Variants in TMEM178B observed in about 807,000 individuals in gnomAD.
TMEM178B encodes the protein transmembrane protein 178B.
TMEM178B carries 5 observed loss-of-function variants against 31.0 expected under a neutral mutation model. The observed-to-expected ratio is 0.16, with a 90% confidence interval of 0.08 to 0.34. The LOEUF is 0.34. Among genes scored for constraint, TMEM178B ranks in the 10% least tolerant of loss-of-function variants. The probability of loss-of-function intolerance (pLI) is 1.00; values close to 1 mark genes in which losing one functional copy is unlikely to be tolerated. For missense variants in TMEM178B, 275 were observed against 400.3 expected (o/e 0.69, Z 2.67); for synonymous variants, 164 against 164.0 (o/e 1.00, Z 0.00).
intron 1 of TMEM178B, among the ~76,000 whole-genome samples, chr7:141,204,185 G>A (rs1284001763): frequency 6.6e-6 from 1 of 152,366 alleles, no homozygotes; most frequent in East Asian, 1.9e-4. Context: ...GGAGCTGGAA[G>A]CGTGAGACTG....
chr7:141,152,060 G>T (rs149178359), intron 1 of TMEM178B, among the ~76,000 whole-genome samples: 94 of 152,304 alleles, frequency 6.2e-4, no homozygotes, highest in African/African-American at 2.3e-3. Context: ...CCAGTGAGTT[G>T]CCCTATGCTG....
At chr7:141,313,126 C>G (rs1238769855) in intron 2 of TMEM178B, among the ~76,000 whole-genome samples, 1 of 152,086 alleles carries the variant, frequency 6.6e-6, no homozygotes, top group South Asian at 2.1e-4. Flanking sequence ...TTTAAAAACT[C>G]TATTTGGAGG....
intron 2 of TMEM178B, among the ~76,000 whole-genome samples, chr7:141,429,363 G>T (rs1196834762): frequency 6.6e-6 from 1 of 150,614 alleles, no homozygotes; most frequent in Non-Finnish European, 1.5e-5. Context: ...ATATTATTCA[G>T]CCATAAAAAA....
At chr7:141,466,896 C>T (rs751109289) in intron 3 of TMEM178B, among the ~76,000 whole-genome samples, 9 of 152,252 alleles carry the variant, frequency 5.9e-5, no homozygotes, top group Middle Eastern at 3.4e-3. Flanking sequence ...AGGTGAGGCA[C>T]GAGCAGGCTG....
At chr7:141,404,315 A>G (rs1800842115) in intron 2 of TMEM178B, among the ~76,000 whole-genome samples, 3 of 152,188 alleles carry the variant, frequency 2.0e-5, no homozygotes, top group Non-Finnish European at 2.9e-5. Context: ...AAAAACAAAA[A>G]CAAAAACAAA....
At chr7:141,215,150 C>T (rs1201418447) in intron 2 of TMEM178B, among the ~76,000 whole-genome samples, 1 of 151,868 alleles carries the variant, frequency 6.6e-6, no homozygotes, top group East Asian at 1.9e-4. Flanking sequence ...GAAGTAGGCA[C>T]ATAAGCCCCC....
At chr7:141,326,826 A>G (rs1461761415) in intron 2 of TMEM178B, among the ~76,000 whole-genome samples, 1 of 152,202 alleles carries the variant, frequency 6.6e-6, no homozygotes, top group African/African-American at 2.4e-5. Flanking sequence ...GCAACAATGC[A>G]AATCTTCTCT....
chr7:141,457,841 G>A (rs374968616), intron 3 of TMEM178B, among the ~76,000 whole-genome samples: 26 of 152,284 alleles, frequency 1.7e-4, no homozygotes, highest in African/African-American at 5.8e-4. Flanking sequence ...CATATTTTGT[G>A]GTTAAGATTT....
At chr7:141,460,088 T>A (rs1360256179) in intron 3 of TMEM178B, among the ~76,000 whole-genome samples, 1 of 152,256 alleles carries the variant, frequency 6.6e-6, no homozygotes, top group African/African-American at 2.4e-5. Flanking sequence ...AAAGTAATAT[T>A]AATAAGCCAA....
chr7:141,131,159 ACT>A (rs975907364), intron 1 of TMEM178B, among the ~76,000 whole-genome samples: 3 of 151,864 alleles, frequency 2.0e-5, no homozygotes, highest in African/African-American at 7.3e-5. Context: ...TTGCTGCAAA[ACT>A]CTCTTGGACC....
chr7:141,195,099 T>A (rs1325214160), intron 1 of TMEM178B, among the ~76,000 whole-genome samples: 1 of 152,218 alleles, frequency 6.6e-6, no homozygotes, highest in African/African-American at 2.4e-5. Flanking sequence ...GGGGCTGCCA[T>A]GAAGATCTCT....
At chr7:141,095,829 A>C (rs771246307) in intron 1 of TMEM178B, among the ~76,000 whole-genome samples, 2 of 152,198 alleles carry the variant, frequency 1.3e-5, no homozygotes, top group Non-Finnish European at 2.9e-5. Flanking sequence ...TGCCTTTTCC[A>C]GTGATCTTTC....
intron 2 of TMEM178B, among the ~76,000 whole-genome samples, chr7:141,432,081 T>A (rs1392614464): frequency 6.6e-6 from 1 of 151,486 alleles, no homozygotes. Flanking sequence ...TGGGCCAAGT[T>A]TTGTGTGTGA....
chr7:141,314,858 A>G (rs1262553225), intron 2 of TMEM178B, among the ~76,000 whole-genome samples: 2 of 152,110 alleles, frequency 1.3e-5, no homozygotes, highest in South Asian at 2.1e-4. Flanking sequence ...AGATATTTCC[A>G]ATCTATGCTC....
intron 2 of TMEM178B, among the ~76,000 whole-genome samples, chr7:141,280,382 A>G (rs1001012288): frequency 9.9e-5 from 15 of 152,112 alleles, no homozygotes; most frequent in African/African-American, 3.4e-4. Context: ...CCCGTGGGAG[A>G]TAACAGAATC....
At chr7:141,240,131 G>T (rs1203364991) in intron 2 of TMEM178B, among the ~76,000 whole-genome samples, 1 of 152,082 alleles carries the variant, frequency 6.6e-6, no homozygotes, top group Non-Finnish European at 1.5e-5. Flanking sequence ...ATTCAGACTG[G>T]CTACATTTCA....
chr7:141,174,562 A>C (rs1187160799), intron 1 of TMEM178B, among the ~76,000 whole-genome samples: 1 of 152,164 alleles, frequency 6.6e-6, no homozygotes, highest in African/African-American at 2.4e-5. Context: ...GGTTGAACTA[A>C]TTTACACTCC....
intron 2 of TMEM178B, among the ~76,000 whole-genome samples, chr7:141,417,093 T>C (rs1223870892): frequency 6.6e-6 from 1 of 152,212 alleles, no homozygotes; most frequent in Non-Finnish European, 1.5e-5. Flanking sequence ...TGTCGACGGT[T>C]CCTGGCACAT....
chr7:141,109,313 A>G (rs989195977), intron 1 of TMEM178B, among the ~76,000 whole-genome samples: 3 of 152,096 alleles, frequency 2.0e-5, no homozygotes, highest in Non-Finnish European at 4.4e-5. Context: ...TGATGGGATC[A>G]ATGTGTTGTA....
Sources: allele counts gnomAD v4.1 joint callset (sites outside exome capture counted in the v4.1 genomes callset), GRCh38; gene constraint gnomAD v4.1.1; transcripts MANE v1.5; gene names NCBI Gene and HGNC (gene_info 2026-07-23, HGNC 2026-07-21).